Variants in FAAP100 observed in about 807,000 individuals in gnomAD.
FAAP100 encodes FA core complex associated protein 100.
A neutral mutation model predicts 65.8 loss-of-function variants in FAAP100; 46 were observed. The observed-to-expected ratio is 0.70, with a 90% CI of 0.55 to 0.89. FAAP100 has a LOEUF of 0.89. Among genes scored for constraint, FAAP100 ranks in the 40% least tolerant of loss-of-function variants. The pLI is 0.00. For synonymous variants in FAAP100, 663 were observed against 555.1 expected, an observed-to-expected ratio of 1.19 and a Z score of -2.73; for missense variants, 1,165 against 1,196.7, an observed-to-expected ratio of 0.97 and a Z score of 0.39.
intron 7 of FAAP100, 133 bp from the exon 8 acceptor site, chr17:81,541,528 G>A (rs577620023): frequency 3.7e-5 from 28 of 765,884 alleles, no homozygotes; most frequent in South Asian, 9.4e-5. Flanking sequence ...CCACCCCAGC[G>A]CTTTGCTGTT....
rs910560353 is a variant in FAAP100 at position 81,539,899 on chromosome 17, C to T, written c.*920G>A. 3 of 398,804 alleles carry T rather than the reference C, an allele frequency of 7.5e-6. No individual in the cohort carries two copies. The East Asian group carries it at 1.1e-4, about 14-fold the overall frequency. The allele number at this position is 398,804 out of a possible 1,614,324, so 24.7% of individuals were successfully genotyped here. A position where few individuals can be genotyped will look rare whatever the true frequency, so the allele number is the denominator to read the frequency against. On this transcript the variant is annotated 3_prime_UTR_variant, in exon 9 of 9. Transcript: ENST00000327787. ...CAGCCGAGGCCTGAAGGTTCACGGA[C>T]AGACAGGGTCGTTTGTCACAGCAGA...
intron 7 of FAAP100, among the ~76,000 whole-genome samples, chr17:81,543,035 A>G (rs903422723): frequency 5.3e-5 from 8 of 152,160 alleles, no homozygotes; most frequent in Admixed American, 2.0e-4. Flanking sequence ...CATGCTCATC[A>G]GGGTCATGGC....
chr17:81,544,109 A>G lies in FAAP100; in HGVS notation c.2322T>C (p.Thr774=), dbSNP rs8077430. The change falls in exon 7 of 9, where the codon ACT becomes ACC. Residue 774 remains threonine (T), a synonymous_variant. Coordinates refer to ENST00000327787, the MANE Select transcript of FAAP100 (RefSeq NM_025161.6). The stretch of plus-strand genomic sequence containing the variant: ...GGATGGGCCCTGCTGGGCACAGGTC[A>G]GTCATGGCCACCTGCAACACAGGAG... The part of the protein sequence containing the change: ...VHLIVREVAM[T]DLCPAGPIQA... 0.76 allele frequency: 1,224,851 copies of G among 1,611,242 alleles called. 468,630 individuals are homozygous for G. The highest frequency in any genetic ancestry group is 0.82 in the Admixed American group (49,437 of 59,954).
intron 4 of FAAP100, chr17:81,548,145 A>T (rs996445591): frequency 5.0e-6 from 3 of 598,824 alleles, no homozygotes; most frequent in Non-Finnish European, 9.0e-6. Flanking sequence ...AACCACAGGG[A>T]CCCGGAGTGA....
At position 81,550,858 on chromosome 17, in the gene FAAP100, G is replaced by A. The variant is rs1454495431; in HGVS notation, c.636C>T (p.Leu212=). 15 of 1,612,030 alleles carry A rather than the reference G, an allele frequency of 9.3e-6. No homozygotes were observed. Among genetic ancestry groups the A allele is most frequent in the Middle Eastern group, 1.6e-4 (1 of 6,082 alleles). Residue 212 remains leucine, a synonymous_variant, in exon 3 of 9, where the codon CTC becomes CTT. Coordinates refer to ENST00000327787, the MANE Select transcript of FAAP100 (RefSeq NM_025161.6). The part of the protein sequence containing the change: ...PSGSRVPHDL[L]GGSGGFTLED... Reference sequence around the variant, plus strand: ...CCAGCGTGAAGCCCCCGGAGCCCCCGAGGAGGTCGTGCGGGACCCTGGAGC... The same window carrying A: ...CCAGCGTGAAGCCCCCGGAGCCCCCAAGGAGGTCGTGCGGGACCCTGGAGC...
In FAAP100 at chr17:81,550,422, C is replaced by T. The variant is rs1216903733; in HGVS notation, c.1072G>A (p.Val358Met). ...LCAACGGGGR[V>M]YHSTPSDLCV... Reference sequence around the variant, plus strand: ...AGGTCAGAAGGGGTGCTGTGGTACACGCGGCCACCCCCGCCACAGGCAGCG... The same window carrying T: ...AGGTCAGAAGGGGTGCTGTGGTACATGCGGCCACCCCCGCCACAGGCAGCG... The change falls in exon 3 of 9, where the codon GTG (valine) becomes ATG (methionine). Residue 358 changes from valine to methionine, a missense_variant. Val to Met is a conservative substitution (Grantham distance 21). Coordinates refer to ENST00000327787, the MANE Select transcript of FAAP100 (RefSeq NM_025161.6). 4 of 1,612,200 alleles carry T rather than the reference C, an allele frequency of 2.5e-6. No homozygotes were observed. Among genetic ancestry groups the T allele is most frequent in the Non-Finnish European group, 2.5e-6 (3 of 1,179,782 alleles).
intron 6 of FAAP100, among the ~76,000 whole-genome samples, chr17:81,544,485 C>T (rs949423812): frequency 6.6e-6 from 1 of 152,196 alleles, no homozygotes; most frequent in Admixed American, 6.5e-5. Context: ...GATCCTGCCA[C>T]GCCCTTGGGG....
intron 6 of FAAP100, 123 bp from the exon 7 acceptor site, chr17:81,544,243 G>A (rs143017345): frequency 1.6e-5 from 12 of 738,918 alleles, no homozygotes; most frequent in African/African-American, 7.0e-5. Context: ...CCAACCCCCT[G>A]CCCTGGGCTG....
At chr17:81,542,954 G>A (rs550338100) in intron 7 of FAAP100, among the ~76,000 whole-genome samples, 57 of 152,252 alleles carry the variant, frequency 3.7e-4, no homozygotes, top group Non-Finnish European at 2.8e-4. Flanking sequence ...CCAGCACTCA[G>A]GACTAGACCC....
chr17:81,540,799 C>G lies in FAAP100; in HGVS notation c.*20G>C, dbSNP rs566329462. The G allele has an allele frequency of 2.7e-6, 4 of 1,501,198 alleles. No individual in the cohort carries two copies. The African/African-American group carries it at 5.5e-5, about 21-fold the overall frequency. The allele number at this position is 1,501,198 out of a possible 1,614,324, so 93.0% of individuals were successfully genotyped here. A position where few individuals can be genotyped will look rare whatever the true frequency, so the allele number is the denominator to read the frequency against. On this transcript the variant is annotated 3_prime_UTR_variant, in exon 9 of 9. Coordinates refer to ENST00000327787, the MANE Select transcript of FAAP100 (RefSeq NM_025161.6). ...CAGAGGCTGGAAGCGTGGCCAGAGC[C>G]CAGGGGCAGGCCCGCCTGGTCACAG... is the stretch of plus-strand genomic sequence containing the variant.
chr17:81,545,129 C>G (rs1176500145), intron 6 of FAAP100, among the ~76,000 whole-genome samples: 1 of 152,202 alleles, frequency 6.6e-6, no homozygotes, highest in Non-Finnish European at 1.5e-5. Context: ...AAAATCGCAC[C>G]ACTGGACTCC....
chr17:81,551,736 G>A (rs2033502255), intron 2 of FAAP100, 192 bp downstream of exon 2: 2 of 1,355,838 alleles, frequency 1.5e-6, no homozygotes, highest in Admixed American at 3.8e-5. Flanking sequence ...ACTTACTAAG[G>A]ACTGTGAGCA....
intron 7 of FAAP100, among the ~76,000 whole-genome samples, chr17:81,542,026 G>A (rs2033113747): frequency 6.6e-6 from 1 of 150,724 alleles, no homozygotes; most frequent in Non-Finnish European, 1.5e-5. Flanking sequence ...AATTAGCCGG[G>A]CGTAGTGGCG....
rs147835491 is a variant in FAAP100 at position 81,541,043 on chromosome 17, C to T, written c.2515-93G>A. On this transcript the variant is annotated intron_variant, in intron 8 of 8. Transcript: ENST00000327787. Reference sequence around the variant, plus strand: ...GGGACCCACCACTCGCAGGACCCTACTTGGGAAGTGGCAGGTGGTCCGAGG... The same window carrying T: ...GGGACCCACCACTCGCAGGACCCTATTTGGGAAGTGGCAGGTGGTCCGAGG... The T allele has an allele frequency of 2.1e-5, 30 of 1,428,972 alleles. No individual in the cohort carries two copies. The East Asian group carries it at 7.4e-4, about 35-fold the overall frequency. 88.5% of individuals were successfully genotyped at this position (1,428,972 alleles called of 1,614,324 possible).
At chr17:81,549,055 AAAAAAAAAAAAAAAAAAAG>A in intron 4 of FAAP100, 132 bp downstream of exon 4, 1 of 531,298 alleles carries the variant, frequency 1.9e-6, no homozygotes, top group Middle Eastern at 5.8e-4. Flanking sequence ...AAAAAAAAAA[AAAAAAAAAAAAAAAAAAAG>A]AGGCCAAGTA....
At chr17:81,542,003 T>C (rs1288888602) in intron 7 of FAAP100, among the ~76,000 whole-genome samples, 3 of 150,812 alleles carry the variant, frequency 2.0e-5, no homozygotes, top group African/African-American at 4.9e-5. Context: ...CCGTCTCTAC[T>C]AAAAATACAA....
In FAAP100 at chr17:81,540,205, G is replaced by A. The variant is rs563240290; in HGVS notation, c.*614C>T. 1.3e-5 allele frequency: 5 copies of A among 399,050 alleles called. No individual in the cohort carries two copies. Among genetic ancestry groups the A allele is most frequent in the African/African-American group, 1.0e-4 (5 of 48,752 alleles). The allele number at this position is 399,050 out of a possible 1,614,324, so 24.7% of individuals were successfully genotyped here. A position where few individuals can be genotyped will look rare whatever the true frequency, so the allele number is the denominator to read the frequency against. On this transcript the variant is annotated 3_prime_UTR_variant, in exon 9 of 9. Transcript: ENST00000327787. ...CCACCCGCTGGCCCTTCCTTGGTGT[G>A]GCACGAGACCACGGGCACTTGCAGG...
At chr17:81,542,824 C>T (rs2033164496) in intron 7 of FAAP100, among the ~76,000 whole-genome samples, 1 of 152,232 alleles carries the variant, frequency 6.6e-6, no homozygotes, top group Non-Finnish European at 1.5e-5. Flanking sequence ...TGGACACAAA[C>T]CCAGGGGCTG....
rs879054527 is a variant in FAAP100 at position 81,543,949 on chromosome 17, G to A, written c.2427+55C>T. The A allele has an allele frequency of 2.0e-6, 3 of 1,507,950 alleles. No homozygotes were observed. The Admixed American group carries it at 5.2e-5, about 26-fold the overall frequency. The allele number at this position is 1,507,950 out of a possible 1,614,324, so 93.4% of individuals were successfully genotyped here. On this transcript the variant is annotated intron_variant, in intron 7 of 8. Transcript: ENST00000327787. Reference sequence around the variant, plus strand: ...CAGCAGCTACAGGGTCCCATGCAGGGACCTTAGTGAGCGACCCACAGATCC... The same window carrying A: ...CAGCAGCTACAGGGTCCCATGCAGGAACCTTAGTGAGCGACCCACAGATCC...
Sources: gnomAD v4.1 joint callset for allele counts (sites outside exome capture counted in the v4.1 genomes callset) on GRCh38, gnomAD v4.1.1 for gene constraint, MANE v1.5 for transcripts, NCBI Gene and HGNC (gene_info 2026-07-23, HGNC 2026-07-21) for gene names.